The following SGCZ variants were observed in gnomAD, a reference collection of about 807,000 sequenced individuals.
The protein encoded by SGCZ is sarcoglycan zeta.
A neutral mutation model predicts 41.3 loss-of-function variants in SGCZ; 40 were observed. The ratio of observed to expected loss-of-function variants is 0.97; its 90% CI spans 0.75 to 1.26. SGCZ has a LOEUF of 1.26. Among genes scored for constraint, SGCZ ranks in the 50% most tolerant of loss-of-function variants. The pLI is 0.00. For missense variants in SGCZ, 552 were observed against 369.8 expected (o/e 1.49, Z -4.04); for synonymous variants, 206 against 137.5 (o/e 1.50, Z -3.49).
At chr8:14,324,412 T>C (rs1802025173) in intron 2 of SGCZ, among the ~76,000 whole-genome samples, 1 of 152,122 alleles carries the variant, frequency 6.6e-6, no homozygotes. Flanking sequence ...AAAGAGGATT[T>C]AAAGGACTGT....
intron 1 of SGCZ, among the ~76,000 whole-genome samples, chr8:14,786,852 C>CA (rs1334298742): frequency 3.7e-5 from 3 of 80,310 alleles, no homozygotes; most frequent in African/African-American, 1.1e-4. Flanking sequence ...AAAAAAAAAA[C>CA]AAAAAACACA....
At chr8:14,847,123 AAGAAAG>A (rs1414872901) in intron 1 of SGCZ, among the ~76,000 whole-genome samples, 16 of 103,314 alleles carry the variant, frequency 1.5e-4, no homozygotes, top group African/African-American at 5.1e-4. Flanking sequence ...GAAGAAGAAG[AAGAAAG>A]AAGAAGAAGA....
intron 1 of SGCZ, among the ~76,000 whole-genome samples, chr8:14,921,277 A>C (rs1799581260): frequency 6.6e-6 from 1 of 152,118 alleles, no homozygotes; most frequent in Non-Finnish European, 1.5e-5. Flanking sequence ...ATGATCTATG[A>C]GGTTGTCAAA....
intron 6 of SGCZ, among the ~76,000 whole-genome samples, chr8:14,106,949 G>T (rs1223566268): frequency 1.3e-5 from 2 of 152,148 alleles, no homozygotes; most frequent in Non-Finnish European, 2.9e-5. Flanking sequence ...AGGCGCGGTG[G>T]CTCACGCCTG....
chr8:14,938,163 T>G (rs1265822419), intron 1 of SGCZ, among the ~76,000 whole-genome samples: 4 of 152,210 alleles, frequency 2.6e-5, no homozygotes, highest in Non-Finnish European at 4.4e-5. Context: ...GTTCTGCATG[T>G]TGAAATACAT....
chr8:14,756,818 G>A (rs1799684070), intron 1 of SGCZ, among the ~76,000 whole-genome samples: 1 of 152,190 alleles, frequency 6.6e-6, no homozygotes. Flanking sequence ...TTGTTCTGAT[G>A]TCAGTGTTAT....
chr8:14,239,866 C>T (rs1277712652), intron 3 of SGCZ, among the ~76,000 whole-genome samples: 1 of 116,400 alleles, frequency 8.6e-6, no homozygotes, highest in Non-Finnish European at 1.6e-5. Flanking sequence ...CCCACCACTG[C>T]ACTCCAGCCT....
At chr8:15,203,307 C>T (rs903372480) in intron 1 of SGCZ, among the ~76,000 whole-genome samples, 1 of 152,232 alleles carries the variant, frequency 6.6e-6, no homozygotes, top group Admixed American at 6.5e-5. Context: ...CCTTTTATCT[C>T]TATTTCTCCT....
At chr8:14,729,589 T>C (rs1035933192) in intron 1 of SGCZ, among the ~76,000 whole-genome samples, 1 of 152,146 alleles carries the variant, frequency 6.6e-6, no homozygotes, top group Non-Finnish European at 1.5e-5. Context: ...AGTAGAGATG[T>C]CTCACCAACC....
At chr8:14,448,881 G>C (rs1047696132) in intron 2 of SGCZ, among the ~76,000 whole-genome samples, 2 of 152,148 alleles carry the variant, frequency 1.3e-5, no homozygotes, top group African/African-American at 2.4e-5. Context: ...TGTACTTGTT[G>C]ATGAGAATAT....
rs532235009 is a variant in SGCZ, at chr8:14,507,063, G to A, written c.234+47669C>T. On this transcript the variant is annotated intron_variant, in intron 2 of 7. Transcript: ENST00000382080. Reference sequence around the variant, plus strand: ...GTGATTGCCTGATCTGATCTTGACAGCTCCACTTGGATGTCAAATGGGTAA... The same window carrying A: ...GTGATTGCCTGATCTGATCTTGACAACTCCACTTGGATGTCAAATGGGTAA... 8.2e-4 allele frequency among the ~76,000 whole-genome samples: 124 copies of A among 151,874 alleles called. 1 individual carries two copies. The highest frequency in any genetic ancestry group is 7.7e-3 in the South Asian group (37 of 4,802).
At chr8:15,175,562 C>G (rs268382) in intron 1 of SGCZ, among the ~76,000 whole-genome samples, 130,766 of 151,994 alleles carry the variant, frequency 0.86, 56,254 homozygotes, top group South Asian at 0.88. Context: ...GGAAGGAGAG[C>G]ATCAGGAACA....
intron 1 of SGCZ, among the ~76,000 whole-genome samples, chr8:15,000,246 C>A (rs1005891187): frequency 6.6e-6 from 1 of 152,136 alleles, no homozygotes; most frequent in Non-Finnish European, 1.5e-5. Flanking sequence ...GCCTTTAGAA[C>A]TCTGAGGAAA....
At position 14,121,633 on chromosome 8, in the gene SGCZ, A is replaced by C. The variant is rs1225068145; in HGVS notation, c.548-13398T>G. On this transcript the variant is annotated intron_variant, in intron 5 of 7. Transcript: ENST00000382080. ...TCAGATAGACTTTTCCATTCAGTTA[A>C]GTTATTGTGTAGCAAAATTTATTTT... Among the ~76,000 whole-genome samples the C allele has an allele frequency of 3.3e-5, 5 of 152,150 alleles. No homozygotes were observed. In the East Asian group the frequency reaches 9.6e-4, roughly 29 times the overall value.
intron 2 of SGCZ, among the ~76,000 whole-genome samples, chr8:14,330,781 G>A (rs890227817): frequency 6.6e-6 from 1 of 151,754 alleles, no homozygotes; most frequent in Non-Finnish European, 1.5e-5. Context: ...GAAATGTAAT[G>A]GCCATAGTGC....
intron 1 of SGCZ, among the ~76,000 whole-genome samples, chr8:14,779,511 C>A (rs186515678): frequency 6.6e-6 from 1 of 152,216 alleles, no homozygotes; most frequent in African/African-American, 2.4e-5. Context: ...TGAGTTGCTT[C>A]CAAATTTTTG....
At chr8:14,347,447 G>T (rs17119129) in intron 2 of SGCZ, among the ~76,000 whole-genome samples, 1 of 151,822 alleles carries the variant, frequency 6.6e-6, no homozygotes, top group Non-Finnish European at 1.5e-5. Flanking sequence ...CAGGAAAAAA[G>T]TTATGTTCTT....
intron 2 of SGCZ, among the ~76,000 whole-genome samples, chr8:14,324,897 G>A (rs1034754843): frequency 6.6e-6 from 1 of 152,166 alleles, no homozygotes; most frequent in Non-Finnish European, 1.5e-5. Context: ...TGTTAAGAAT[G>A]TGGAATTTCA....
At chr8:14,183,133 T>C (rs777056056) in intron 4 of SGCZ, among the ~76,000 whole-genome samples, 3 of 152,014 alleles carry the variant, frequency 2.0e-5, no homozygotes, top group Non-Finnish European at 4.4e-5. Context: ...GTTAAAATGG[T>C]ACAAATATTT....
Sources: allele counts gnomAD v4.1 joint callset (sites outside exome capture counted in the v4.1 genomes callset), GRCh38; gene constraint gnomAD v4.1.1; transcripts MANE v1.5; gene names NCBI Gene and HGNC (gene_info 2026-07-23, HGNC 2026-07-21).